The following TENM4 variants were observed in gnomAD, a reference collection of about 807,000 sequenced individuals.
TENM4 encodes teneurin transmembrane protein 4, also known as teneurin-4.
In TENM4, 82 loss-of-function variants were observed where a neutral mutation model predicts 243.3. That is an observed-to-expected ratio of 0.34 (90% CI 0.28 to 0.40). The LOEUF (loss-of-function observed/expected upper bound fraction) is 0.40. Ranked by LOEUF, TENM4 falls within the 10% of genes least tolerant of loss-of-function variation. TENM4 has a pLI of 1.00. For synonymous variants in TENM4, 1,412 were observed against 1,456.3 expected (o/e 0.97, Z 0.69); for missense variants, 3,138 against 3,673.3 (o/e 0.85, Z 3.77).
At chr11:79,293,508 TAAA>T (rs1328098270) in intron 2 of TENM4, among the ~76,000 whole-genome samples, 1 of 108,936 alleles carries the variant, frequency 9.2e-6, no homozygotes. Context: ...CACTGTCCCT[TAAA>T]AAAAAAAAAG....
intron 18 of TENM4, among the ~76,000 whole-genome samples, chr11:78,759,205 C>G (rs1856380426): frequency 6.6e-6 from 1 of 152,160 alleles, no homozygotes; most frequent in African/African-American, 2.4e-5. Flanking sequence ...CTCCCAGATA[C>G]AACTGCCTAG....
chr11:78,880,832 TA>T (rs1257783324), intron 9 of TENM4, among the ~76,000 whole-genome samples: 21 of 152,186 alleles, frequency 1.4e-4, no homozygotes, highest in African/African-American at 5.1e-4. Flanking sequence ...TTCTTTACTA[TA>T]TTTCTCAAAA....
At chr11:79,063,090 G>A (rs947436142) in intron 6 of TENM4, among the ~76,000 whole-genome samples, 3 of 152,140 alleles carry the variant, frequency 2.0e-5, no homozygotes, top group Non-Finnish European at 2.9e-5. Context: ...CTCCCTAGGC[G>A]AACATGTTAG....
At chr11:79,215,777 A>G (rs947988224) in intron 3 of TENM4, 31 bp downstream of exon 3, 26 of 985,758 alleles carry the variant, frequency 2.6e-5, no homozygotes, top group Non-Finnish European at 2.8e-5. Context: ...GCAGCTAATG[A>G]CAGAAAATCA....
rs776181533 is a variant in TENM4 at position 79,213,225 on chromosome 11, T to C, written c.-163+2583A>G. On this transcript the variant is annotated intron_variant, in intron 3 of 33. Transcript: ENST00000278550. ...AGGCTGGATGGCTTGAATAGTAGCA[T>C]GTAAGCAAGTCACAATATGGAACCT... 1.3e-5 allele frequency among the ~76,000 whole-genome samples: 2 copies of C among 152,152 alleles called. 1 individual carries two copies. Among genetic ancestry groups the C allele is most frequent in the Non-Finnish European group, 2.9e-5 (2 of 68,028 alleles).
intron 3 of TENM4, among the ~76,000 whole-genome samples, chr11:79,204,412 G>GC (rs1482725453): frequency 3.3e-5 from 5 of 152,144 alleles, no homozygotes; most frequent in African/African-American, 1.2e-4. Flanking sequence ...CAAATCTTGA[G>GC]CCCCTACTAT....
intron 25 of TENM4, among the ~76,000 whole-genome samples, chr11:78,717,031 C>G (rs1859536114): frequency 6.6e-6 from 1 of 152,148 alleles, no homozygotes; most frequent in African/African-American, 2.4e-5. Flanking sequence ...ATTCTGATGC[C>G]CAGTATCCTG....
At chr11:79,297,845 G>A (rs1856481342) in intron 1 of TENM4, among the ~76,000 whole-genome samples, 1 of 151,580 alleles carries the variant, frequency 6.6e-6, no homozygotes, top group South Asian at 2.1e-4. Flanking sequence ...AAATATAAAA[G>A]ACCATTAAAA....
Position 78,805,277 on chromosome 11 carries a change from T to TCCCCACCCAACACACCC in TENM4, c.2179+14_2179+15insGGGTGTGTTGGGTGGGG. On this transcript the variant is annotated intron_variant, in intron 15 of 33. Transcript: ENST00000278550. ...CCCCTCCCTCTACCCATGCTTCTTC[T>TCCCCACCCAACACACCC]CCCCCTGCATTTACCGATAGAACAG... 1 of 1,402,544 alleles carries TCCCCACCCAACACACCC rather than the reference T, an allele frequency of 7.1e-7. No homozygotes were observed. The highest frequency in any genetic ancestry group is 9.7e-7 in the Non-Finnish European group (1 of 1,033,112). The allele number at this position is 1,402,544 out of a possible 1,614,324, so 86.9% of individuals were successfully genotyped here. A position where few individuals can be genotyped will look rare whatever the true frequency, so the allele number is the denominator to read the frequency against.
At chr11:78,722,996 G>A in intron 23 of TENM4, 79 bp from the exon 24 acceptor site, 1 of 1,563,708 alleles carries the variant, frequency 6.4e-7, no homozygotes, top group South Asian at 1.2e-5. Context: ...AGAGTCACCT[G>A]ATTTTGCAAG....
chr11:79,267,199 A>G (rs1855897065), intron 2 of TENM4, among the ~76,000 whole-genome samples: 1 of 152,112 alleles, frequency 6.6e-6, no homozygotes, highest in Admixed American at 6.5e-5. Context: ...CAACCTACAC[A>G]TGCCTCTCCA....
chr11:78,982,165 A>G (rs1012315304), intron 6 of TENM4, among the ~76,000 whole-genome samples: 31 of 152,296 alleles, frequency 2.0e-4, no homozygotes, highest in Non-Finnish European at 3.7e-4. Context: ...AGGAAATGCC[A>G]CTTGCCTTAA....
chr11:79,400,091 AACACACACCACACACACACACAC>A (rs1250520372), intron 1 of TENM4, among the ~76,000 whole-genome samples: 1 of 124,854 alleles, frequency 8.0e-6, no homozygotes, highest in Non-Finnish European at 1.6e-5. Flanking sequence ...GAGACACATA[AACACACACCACACACACACACAC>A]ACACACACAC....
At chr11:79,125,565 G>T (rs554250459) in intron 4 of TENM4, among the ~76,000 whole-genome samples, 4 of 152,102 alleles carry the variant, frequency 2.6e-5, no homozygotes, top group Non-Finnish European at 4.4e-5. Flanking sequence ...TGGAATGGGG[G>T]GTGTGTGGGA....
At chr11:79,318,620 A>G (rs1160993516) in intron 1 of TENM4, among the ~76,000 whole-genome samples, 1 of 152,182 alleles carries the variant, frequency 6.6e-6, no homozygotes, top group African/African-American at 2.4e-5. Context: ...ATTTCCACCT[A>G]TTTACCTGTT....
chr11:79,330,911 G>A (rs1001437468), intron 1 of TENM4, among the ~76,000 whole-genome samples: 5 of 152,160 alleles, frequency 3.3e-5, no homozygotes, highest in Non-Finnish European at 7.3e-5. Context: ...ACAGAGACAC[G>A]TGGGGTCATG....
intron 6 of TENM4, among the ~76,000 whole-genome samples, chr11:78,947,134 A>T (rs1218769575): frequency 6.6e-6 from 1 of 152,244 alleles, no homozygotes; most frequent in African/African-American, 2.4e-5. Context: ...GGAAAGGAAG[A>T]ATCGATACAT....
At chr11:79,100,871 GTC>G (rs1177949463) in intron 4 of TENM4, among the ~76,000 whole-genome samples, 1 of 152,170 alleles carries the variant, frequency 6.6e-6, no homozygotes, top group Non-Finnish European at 1.5e-5. Flanking sequence ...CTGGAAAGGA[GTC>G]TGCCTGTGTC....
At chr11:79,384,937 T>TTAAAA (rs58915516) in intron 1 of TENM4, among the ~76,000 whole-genome samples, 1,775 of 114,396 alleles carry the variant, frequency 0.016, 97 homozygotes, top group East Asian at 0.067. Flanking sequence ...AAAAATAAAA[T>TTAAAA]TAAAATAAAA....
Sources: gnomAD v4.1 joint callset for allele counts (sites outside exome capture counted in the v4.1 genomes callset) on GRCh38, gnomAD v4.1.1 for gene constraint, MANE v1.5 for transcripts, NCBI Gene and HGNC (gene_info 2026-07-23, HGNC 2026-07-21) for gene names.